CENPV: variants seen among roughly 807,000 people sequenced by gnomAD.
The protein encoded by CENPV is nuclear protein p30.
Under a neutral mutation model 26.4 loss-of-function variants are expected in CENPV, and 15 were observed. The ratio of observed to expected loss-of-function variants is 0.57; its 90% CI spans 0.38 to 0.88. The LOEUF (loss-of-function observed/expected upper bound fraction) is 0.88. Among genes scored for constraint, CENPV ranks in the 40% least tolerant of loss-of-function variants. The probability of loss-of-function intolerance (pLI) is 0.00; values close to 1 mark genes in which losing one functional copy is unlikely to be tolerated. For missense variants in CENPV, 336 were observed against 376.5 expected (o/e 0.89, Z 0.89); for synonymous variants, 172 against 165.5 (o/e 1.04, Z -0.30).
chr17:16,342,977 A>C, intron 4 of CENPV, 36 bp from the exon 5 acceptor site: 1 of 1,613,560 alleles, frequency 6.2e-7, no homozygotes, highest in Non-Finnish European at 8.5e-7. Context: ...GGGGATCCTC[A>C]GTATGGGTGA....
At position 16,348,806 on chromosome 17, in the gene CENPV, G is replaced by A; in HGVS notation, c.510-121C>T. 2.0e-6 allele frequency: 3 copies of A among 1,503,008 alleles called. No homozygotes were observed. In the South Asian group the frequency reaches 3.7e-5, roughly 18 times the overall value. The allele number at this position is 1,503,008 out of a possible 1,614,324, so 93.1% of individuals were successfully genotyped here. A position where few individuals can be genotyped will look rare whatever the true frequency, so the allele number is the denominator to read the frequency against. ...TGATGCCCCTTTCAGCACCATCCAG[G>A]GCCGAGGAGCTGGGGCAAAGGCCTG... On this transcript the variant is annotated intron_variant, in intron 2 of 4. Coordinates refer to ENST00000299736, the MANE Select transcript of CENPV (RefSeq NM_181716.3).
rs985021514 is a variant in CENPV, at chr17:16,353,454, G to A, written c.-18C>T. 2.7e-6 allele frequency: 3 copies of A among 1,106,314 alleles called. No homozygotes were observed. Among genetic ancestry groups the A allele is most frequent in the Non-Finnish European group, 3.3e-6 (3 of 909,680 alleles). The allele number at this position is 1,106,314 out of a possible 1,614,324, so 68.5% of individuals were successfully genotyped here. The stretch of plus-strand genomic sequence containing the variant: ...CGCCGCATGGCTCCCGCAGCCTGGC[G>A]CGCAGGCCTCGCAGCGCGGCGCGCC... On this transcript the variant is annotated 5_prime_UTR_variant, in exon 1 of 5. Coordinates refer to ENST00000299736, the MANE Select transcript of CENPV (RefSeq NM_181716.3).
chr17:16,343,015 A>G, intron 4 of CENPV, 74 bp from the exon 5 acceptor site: 1 of 1,561,492 alleles, frequency 6.4e-7, no homozygotes, highest in Non-Finnish European at 8.8e-7. Context: ...GCTCCTGGAT[A>G]AGCCCCCACC....
intron 1 of CENPV, among the ~76,000 whole-genome samples, chr17:16,352,476 T>C (rs1354220034): frequency 2.0e-5 from 3 of 151,866 alleles, no homozygotes; most frequent in African/African-American, 7.3e-5. Flanking sequence ...CCCGGATCAA[T>C]AACCTCCGCC....
Position 16,350,020 on chromosome 17 carries a change from C to G in CENPV, c.420G>C (p.Gln140His). 1 of 1,612,528 alleles carries G rather than the reference C, an allele frequency of 6.2e-7. No individual in the cohort carries two copies. The highest frequency in any genetic ancestry group is 8.5e-7 in the Non-Finnish European group (1 of 1,179,654). Reference sequence around the variant, plus strand: ...AGCCTCCTGTGTGCTTCACCAGGCCCTGGTATTCACTAAATGAAACAAAAA... The same window carrying G: ...AGCCTCCTGTGTGCTTCACCAGGCCGTGGTATTCACTAAATGAAACAAAAA... ...AKLLLDTFEYQGLVKHTGGCH... is the reference protein window; with the variant it reads ...AKLLLDTFEYHGLVKHTGGCH... The change falls in exon 2 of 5, where the codon CAG (glutamine) becomes CAC (histidine). Residue 140 changes from glutamine (Q) to histidine (H), a missense_variant. Gln to His is a conservative substitution (Grantham distance 24). Transcript: ENST00000299736.
At chr17:16,350,120 CAA>C in intron 1 of CENPV, 91 bp from the exon 2 acceptor site, 2 of 1,489,642 alleles carry the variant, frequency 1.3e-6, no homozygotes, top group Non-Finnish European at 1.8e-6. Context: ...GAAGATTAGA[CAA>C]AAGTCTTTTC....
At chr17:16,347,274 C>G (rs1463187317) in intron 3 of CENPV, among the ~76,000 whole-genome samples, 1 of 152,112 alleles carries the variant, frequency 6.6e-6, no homozygotes, top group Non-Finnish European at 1.5e-5. Context: ...CTTGTTAACC[C>G]TCTTTACGCT....
chr17:16,353,386 C>CCCCGGAG lies in CENPV; in HGVS notation c.50_51insCTCCGGG (p.Ala20ValfsTer27), dbSNP rs1283377070. 1.8e-5 allele frequency: 10 copies of CCCCGGAG among 546,462 alleles called. No individual in the cohort carries two copies. Among genetic ancestry groups the CCCCGGAG allele is most frequent in the Non-Finnish European group, 2.3e-5 (10 of 435,010 alleles). 33.9% of individuals were successfully genotyped at this position (546,462 alleles called of 1,614,324 possible). A position where few individuals can be genotyped will look rare whatever the true frequency, so the allele number is the denominator to read the frequency against. On this transcript the variant is annotated frameshift_variant, in exon 1 of 5. Transcript: ENST00000299736. LOFTEE classifies it high-confidence loss of function. ...CCGCGGGGGCCGCGGAGGCCCCGGA[C>CCCCGGAG]CGCTTCTGCCCGCGCAGCTTGGCGG...
In CENPV at chr17:16,353,306, C is replaced by G. The variant is rs1447482174; in HGVS notation, c.131G>C (p.Ser44Thr). 2.8e-6 allele frequency: 4 copies of G among 1,406,958 alleles called. No individual in the cohort carries two copies. Among genetic ancestry groups the G allele is most frequent in the African/African-American group, 3.0e-5 (2 of 66,860 alleles). 87.2% of individuals were successfully genotyped at this position (1,406,958 alleles called of 1,614,324 possible). A position where few individuals can be genotyped will look rare whatever the true frequency, so the allele number is the denominator to read the frequency against. The change falls in exon 1 of 5, where the codon AGC (serine) becomes ACC (threonine). Residue 44 changes from serine to threonine, a missense_variant. By Grantham distance (58) the Ser-to-Thr change is moderately conservative. Around this residue, in one of 2 missense-constraint regions of CENPV, gnomAD observed 181 missense variants for 148.8 expected, o/e 1.22. Coordinates refer to ENST00000299736, the MANE Select transcript of CENPV (RefSeq NM_181716.3). The part of the protein sequence containing the change: ...PSATRTRRSA[S>T]QAGSKSQAVE... ...CGCCTGGCTCTTGCTCCCGGCCTGG[C>G]TAGCGGAGCGCCGTGTGCGGGTGGC...
At chr17:16,347,753 GA>G (rs2093213438) in intron 3 of CENPV, 1 of 152,202 alleles carries the variant, frequency 6.6e-6, no homozygotes, top group African/African-American at 2.4e-5. Flanking sequence ...GGGGAAGAGG[GA>G]GACTGGGGCA....
rs976756584 is a variant in CENPV, at chr17:16,353,299, G to A, written c.138C>T (p.Ala46=). Residue 46 remains alanine (A), a synonymous_variant, in exon 1 of 5, where the codon GCC becomes GCT. Coordinates refer to ENST00000299736, the MANE Select transcript of CENPV (RefSeq NM_181716.3). ...ATRTRRSASQ[A]GSKSQAVEKP... ...TCTCCACCGCCTGGCTCTTGCTCCC[G>A]GCCTGGCTAGCGGAGCGCCGTGTGC... 5 of 1,415,632 alleles carry A rather than the reference G, an allele frequency of 3.5e-6. No homozygotes were observed. The African/African-American group carries it at 4.5e-5, about 13-fold the overall frequency. 87.7% of individuals were successfully genotyped at this position (1,415,632 alleles called of 1,614,324 possible). A position where few individuals can be genotyped will look rare whatever the true frequency, so the allele number is the denominator to read the frequency against.
chr17:16,349,709 T>C (rs1013003799), intron 2 of CENPV: 17 of 1,312,472 alleles, frequency 1.3e-5, no homozygotes, highest in Non-Finnish European at 1.7e-5. Flanking sequence ...CTGAGGACCC[T>C]GCTCTGTGTC....
At chr17:16,348,720 C>T in intron 2 of CENPV, 35 bp from the exon 3 acceptor site, 1 of 1,612,296 alleles carries the variant, frequency 6.2e-7, no homozygotes, top group Non-Finnish European at 8.5e-7. Flanking sequence ...AGATTGTGAG[C>T]AGCCACCTGC....
intron 2 of CENPV, 59 bp downstream of exon 2, chr17:16,349,872 A>T (rs2142901318): frequency 6.3e-7 from 1 of 1,597,764 alleles, no homozygotes; most frequent in East Asian, 2.2e-5. Context: ...TTATTTTGAA[A>T]TATTGCATTT....
At position 16,344,665 on chromosome 17, in the gene CENPV, T is replaced by C; in HGVS notation, c.626A>G (p.Gln209Arg). 1 of 1,600,998 alleles carries C rather than the reference T, an allele frequency of 6.2e-7. No individual in the cohort carries two copies. Among genetic ancestry groups the C allele is most frequent in the South Asian group, 1.1e-5 (1 of 88,988 alleles). The change falls in exon 4 of 5, where the codon CAG (glutamine) becomes CGG (arginine). Residue 209 changes from glutamine (Q) to arginine (R), a missense_variant. By Grantham distance (43) the Gln-to-Arg change is conservative. Coordinates refer to ENST00000299736, the MANE Select transcript of CENPV (RefSeq NM_181716.3). ...GCCACATCTCTTACAGAAGGTATGC[T>C]GGGCTTTGTGAGTATTGAACGTGTA... ...TTYTFNTHKA[Q>R]HTFCKRCGVQ...
intron 3 of CENPV, 152 bp from the exon 4 acceptor site, chr17:16,344,863 A>G (rs2093198815): frequency 2.9e-6 from 1 of 340,570 alleles, no homozygotes; most frequent in South Asian, 4.1e-5. Flanking sequence ...CTCCACCTGC[A>G]TGGGTTCAAG....
rs1446769943 is a variant in CENPV, at chr17:16,353,352, C to T, written c.85G>A (p.Ala29Thr). Residue 29 changes from alanine to threonine, a missense_variant, in exon 1 of 5, where the codon GCC becomes ACC. Ala to Thr is a moderately conservative substitution (Grantham distance 58, BLOSUM62 0). This residue lies in a region of CENPV where 181 missense variants were observed against 148.8 expected (regional missense o/e 1.22). Coordinates refer to ENST00000299736, the MANE Select transcript of CENPV (RefSeq NM_181716.3). ...GASAAPAASA[A>T]AALAPSATRT... ...GTGGCGCTGGGTGCCAAGGCAGCGG[C>T]CGCGGAGGCCGCGGGGGCCGCGGAG... The T allele has an allele frequency of 5.5e-6, 7 of 1,272,498 alleles. No individual in the cohort carries two copies. The highest frequency in any genetic ancestry group is 6.9e-6 in the Non-Finnish European group (7 of 1,014,160). 78.8% of individuals were successfully genotyped at this position (1,272,498 alleles called of 1,614,324 possible). A position where few individuals can be genotyped will look rare whatever the true frequency, so the allele number is the denominator to read the frequency against.
chr17:16,342,928 G>T lies in CENPV; in HGVS notation c.708C>A (p.His236Gln). ...SNPGGFGIAP[H>Q]CLDEGTVRSM... ...TCCGCACAGTGCCCTCATCCAGGCAGTGGGGGGCAATTCCTACGAGAAAGT... is the reference window on the plus strand; with the variant it reads ...TCCGCACAGTGCCCTCATCCAGGCATTGGGGGGCAATTCCTACGAGAAAGT... The change falls in exon 5 of 5, where the codon CAC (histidine) becomes CAA (glutamine). Residue 236 changes from histidine to glutamine, a missense_variant. This residue lies in a region of CENPV where 155 missense variants were observed against 227.8 expected (regional missense o/e 0.68). Coordinates refer to ENST00000299736, the MANE Select transcript of CENPV (RefSeq NM_181716.3). 6.2e-7 allele frequency: 1 copy of T among 1,614,202 alleles called. No homozygotes were observed. Among genetic ancestry groups the T allele is most frequent in the Non-Finnish European group, 8.5e-7 (1 of 1,180,044 alleles).
At chr17:16,344,503 G>T in intron 4 of CENPV, 94 bp downstream of exon 4, 1 of 607,978 alleles carries the variant, frequency 1.6e-6, no homozygotes, top group Non-Finnish European at 2.7e-6. Flanking sequence ...ACAGGGTCTA[G>T]TCAGCATCCC....
Sources: allele counts gnomAD v4.1 joint callset (sites outside exome capture counted in the v4.1 genomes callset), GRCh38; gene constraint gnomAD v4.1.1; regional missense constraint gnomAD v4.1.1; transcripts MANE v1.5; gene names NCBI Gene and HGNC (gene_info 2026-07-23, HGNC 2026-07-21).